The following NEXN variants were observed in gnomAD, a reference collection of about 807,000 sequenced individuals.
NEXN encodes nexilin.
Under a neutral mutation model 92.6 loss-of-function variants are expected in NEXN, and 65 were observed. The ratio of observed to expected loss-of-function variants is 0.70; its 90% CI spans 0.57 to 0.86. NEXN has a LOEUF of 0.86. Ranked by LOEUF, NEXN falls within the 40% of genes least tolerant of loss-of-function variation. The probability of loss-of-function intolerance (pLI) is 0.00; values close to 1 mark genes in which losing one functional copy is unlikely to be tolerated. For missense variants in NEXN, 778 were observed against 771.1 expected, an observed-to-expected ratio of 1.01 and a Z score of -0.11; for synonymous variants, 254 against 242.5, an observed-to-expected ratio of 1.05 and a Z score of -0.44.
intron 9 of NEXN, among the ~76,000 whole-genome samples, chr1:77,930,136 T>G (rs748710584): frequency 6.6e-6 from 1 of 152,218 alleles, no homozygotes; most frequent in Non-Finnish European, 1.5e-5. Flanking sequence ...CTGCATCTCC[T>G]TCTTGAAACA....
chr1:77,922,339 C>CA (rs1403645756), intron 5 of NEXN, among the ~76,000 whole-genome samples: 3 of 151,482 alleles, frequency 2.0e-5, no homozygotes, highest in African/African-American at 4.9e-5. Flanking sequence ...CTGTGTTAGC[C>CA]AGGATGGTCT....
Position 77,942,099 on chromosome 1 carries a change from T to A in NEXN, c.1550T>A (p.Phe517Tyr), listed in dbSNP as rs1557996817. ...CACAAAGTGAATATGAAAGCTAGAT[T>A]TGAACAAATGGCTAAGGCAAGAGAA... ...FTHKVNMKAR[F>Y]EQMAKAREEE... Residue 517 changes from phenylalanine (F) to tyrosine (Y), a missense_variant, in exon 12 of 13, where the codon TTT (phenylalanine) becomes TAT (tyrosine). Around this residue, in one of 3 missense-constraint regions of NEXN, gnomAD observed 532 missense variants for 476.7 expected, o/e 1.12. Transcript: ENST00000334785. 1.3e-5 allele frequency: 21 copies of A among 1,613,632 alleles called. No individual in the cohort carries two copies. The highest frequency in any genetic ancestry group is 1.8e-5 in the Non-Finnish European group (21 of 1,179,718).
intron 1 of NEXN, among the ~76,000 whole-genome samples, chr1:77,902,341 T>G (rs943682881): frequency 5.3e-5 from 8 of 152,192 alleles, no homozygotes; most frequent in African/African-American, 1.7e-4. Context: ...TATTTGTACA[T>G]GTAACTTTTC....
Position 77,942,798 on chromosome 1 carries a change from C to T in NEXN, c.1997C>T (p.Thr666Ile), listed in dbSNP as rs749271412. The change falls in exon 13 of 13, where the codon ACC becomes ATC. Residue 666 changes from threonine (T) to isoleucine (I), a missense_variant. Coordinates refer to ENST00000334785, the MANE Select transcript of NEXN (RefSeq NM_144573.4). The stretch of plus-strand genomic sequence containing the variant: ...AACAATAAAGGATCTGCAGCTAGTA[C>T]CTGTATTCTTACCATTGAAAGTAAG... ...AVNNKGSAASTCILTIESKN is the reference protein window; with the variant it reads ...AVNNKGSAASICILTIESKN 2 of 1,610,440 alleles carry T rather than the reference C, an allele frequency of 1.2e-6. No individual in the cohort carries two copies. Among genetic ancestry groups the T allele is most frequent in the Non-Finnish European group, 1.7e-6 (2 of 1,177,312 alleles).
At chr1:77,905,932 T>C (rs1648077447) in intron 1 of NEXN, among the ~76,000 whole-genome samples, 1 of 151,200 alleles carries the variant, frequency 6.6e-6, no homozygotes, top group African/African-American at 2.4e-5. Context: ...GGTGATAGAG[T>C]GGGAGGGAGG....
chr1:77,927,288 T>C (rs965287579), intron 8 of NEXN, among the ~76,000 whole-genome samples: 1 of 152,078 alleles, frequency 6.6e-6, no homozygotes, highest in Non-Finnish European at 1.5e-5. Flanking sequence ...AAAAAATCCA[T>C]ACTGTTTTCC....
chr1:77,916,672 T>C (rs530344500), intron 2 of NEXN, among the ~76,000 whole-genome samples: 1 of 152,278 alleles, frequency 6.6e-6, no homozygotes, highest in South Asian at 2.1e-4. Context: ...AAAATACAAG[T>C]TGGATGTGCC....
chr1:77,915,352 G>T (rs558603494), intron 1 of NEXN, among the ~76,000 whole-genome samples: 1 of 152,196 alleles, frequency 6.6e-6, no homozygotes, highest in South Asian at 2.1e-4. Context: ...GCTGGTGGCC[G>T]GGCATGGTGG....
intron 1 of NEXN, among the ~76,000 whole-genome samples, chr1:77,893,581 T>C (rs1451252313): frequency 6.6e-6 from 1 of 152,192 alleles, no homozygotes; most frequent in Admixed American, 6.5e-5. Context: ...TCAGACAGTT[T>C]TCCTGTTATC....
Position 77,935,843 on chromosome 1 carries a change from C to A in NEXN, c.1272C>A (p.Thr424=), listed in dbSNP as rs1650710768. The change falls in exon 11 of 13, where the codon ACC becomes ACA. Residue 424 remains threonine (T), a synonymous_variant. Coordinates refer to ENST00000334785, the MANE Select transcript of NEXN (RefSeq NM_144573.4). ...TGAAGGAAGAGGAAGAAAATGAAAC[C>A]TTTGGATTGAGCAGAGAATATGAAG... The part of the protein sequence containing the change: ...EMGEEEEENE[T]FGLSREYEEL... The A allele has an allele frequency of 6.2e-7, 1 of 1,612,462 alleles. No individual in the cohort carries two copies. The highest frequency in any genetic ancestry group is 8.5e-7 in the Non-Finnish European group (1 of 1,179,740).
At position 77,930,623 on chromosome 1, in the gene NEXN, CTCGTT is replaced by C. The variant is rs1229500915; in HGVS notation, c.1053+1122_1053+1126del. Among the ~76,000 whole-genome samples the C allele has an allele frequency of 2.6e-5, 4 of 152,314 alleles. No homozygotes were observed. The East Asian group carries it at 7.7e-4, about 29-fold the overall frequency. On this transcript the variant is annotated intron_variant, in intron 9 of 12. Transcript: ENST00000334785. ...TATAGTCTTGCTCTTGTATATTGCT[CTCGTT>C]TCATTTCTTGATTCTTCCTGAATCT... is the stretch of plus-strand genomic sequence containing the variant.
At chr1:77,935,366 C>T (rs952493360) in intron 10 of NEXN, among the ~76,000 whole-genome samples, 1 of 152,140 alleles carries the variant, frequency 6.6e-6, no homozygotes, top group Non-Finnish European at 1.5e-5. Flanking sequence ...TTTTTGCCTT[C>T]CCCTAACAAA....
At chr1:77,894,493 T>G (rs1647178298) in intron 1 of NEXN, among the ~76,000 whole-genome samples, 1 of 152,050 alleles carries the variant, frequency 6.6e-6, no homozygotes, top group South Asian at 2.1e-4. Context: ...CAGGCTAGAG[T>G]GCAGTGGCGT....
intron 1 of NEXN, among the ~76,000 whole-genome samples, chr1:77,897,921 G>A (rs1328157927): frequency 6.6e-6 from 1 of 151,916 alleles, no homozygotes; most frequent in African/African-American, 2.4e-5. Flanking sequence ...TTGCTTCAAA[G>A]AGAATAAAAT....
chr1:77,937,986 AG>A (rs1327078926), intron 11 of NEXN, among the ~76,000 whole-genome samples: 2 of 152,360 alleles, frequency 1.3e-5, no homozygotes, highest in East Asian at 3.9e-4. Flanking sequence ...TGGAAAGGAC[AG>A]GTAAGTATGC....
chr1:77,901,238 A>C (rs1647682803), intron 1 of NEXN, among the ~76,000 whole-genome samples: 1 of 152,300 alleles, frequency 6.6e-6, no homozygotes, highest in African/African-American at 2.4e-5. Context: ...TCAAAACAAC[A>C]TCACCGTAGT....
At chr1:77,926,940 C>T (rs373030616) in intron 8 of NEXN, 48 bp downstream of exon 8, 64 of 1,609,022 alleles carry the variant, frequency 4.0e-5, no homozygotes, top group African/African-American at 3.3e-4. Context: ...TGAAGTTAGC[C>T]GACTTAAGAT....
intron 1 of NEXN, among the ~76,000 whole-genome samples, chr1:77,899,765 C>T (rs914450214): frequency 1.3e-5 from 2 of 152,050 alleles, no homozygotes; most frequent in Non-Finnish European, 2.9e-5. Flanking sequence ...CTTAGGATAG[C>T]GCCTGACACA....
intron 8 of NEXN, among the ~76,000 whole-genome samples, chr1:77,928,235 C>T (rs902555971): frequency 4.7e-5 from 7 of 150,344 alleles, no homozygotes; most frequent in African/African-American, 9.8e-5. Flanking sequence ...TGCTTGAGCC[C>T]GGGAAATCAA....
Sources: allele counts gnomAD v4.1 joint callset (sites outside exome capture counted in the v4.1 genomes callset), GRCh38; gene constraint gnomAD v4.1.1; regional missense constraint gnomAD v4.1.1; transcripts MANE v1.5; gene names NCBI Gene and HGNC (gene_info 2026-07-23, HGNC 2026-07-21).